Variants in MIGA1 observed in about 807,000 individuals in gnomAD.
The protein encoded by MIGA1 is family with sequence similarity 73, member A.
In MIGA1, 58 loss-of-function variants were observed where a neutral mutation model predicts 82.0. The ratio of observed to expected loss-of-function variants is 0.71; its 90% CI spans 0.57 to 0.88. The LOEUF (loss-of-function observed/expected upper bound fraction) is 0.88. Ranked by LOEUF, MIGA1 falls within the 40% of genes least tolerant of loss-of-function variation. The pLI, the probability that MIGA1 is intolerant of heterozygous loss-of-function variation, is 0.00. For synonymous variants in MIGA1, 249 were observed against 253.6 expected (o/e 0.98, Z 0.17); for missense variants, 751 against 749.1 (o/e 1.00, Z -0.03).
intron 5 of MIGA1, chr1:77,811,576 C>T: frequency 6.2e-7 from 1 of 1,611,616 alleles, no homozygotes. Flanking sequence ...CAATTCCAAG[C>T]ATGTTGCAAT....
chr1:77,813,797 A>G lies in MIGA1; in HGVS notation c.701A>G (p.Gln234Arg). The G allele has an allele frequency of 6.2e-7, 1 of 1,614,248 alleles. No homozygotes were observed. The highest frequency in any genetic ancestry group is 8.5e-7 in the Non-Finnish European group (1 of 1,180,026). Residue 234 changes from glutamine (Q) to arginine (R), a missense_variant, in exon 6 of 16, where the codon CAG becomes CGG. By Grantham distance (43) the Gln-to-Arg change is conservative. Around this residue, in one of 3 missense-constraint regions of MIGA1, gnomAD observed 482 missense variants for 439.4 expected, o/e 1.10. Transcript: ENST00000370791. ...CAAGCTCTGACCTTTCGCAATAGAC[A>G]GGCTGAAGATGAAGCCTGTGGTTCC...
intron 4 of MIGA1, among the ~76,000 whole-genome samples, chr1:77,806,707 TATAAAC>T (rs1489524938): frequency 1.3e-5 from 2 of 152,230 alleles, no homozygotes; most frequent in Non-Finnish European, 2.9e-5. Context: ...GAATAAATGA[TATAAAC>T]ATAACTGCCT....
In MIGA1 at chr1:77,855,712, A is replaced by G. The variant is rs533504362; in HGVS notation, c.997-3226A>G. On this transcript the variant is annotated intron_variant, in intron 8 of 15. Transcript: ENST00000370791. ...GTCTCTGCTTGGTCGCTGTTGGTGTATAGAAGAGCTACTGATTTGTGTACA... is the reference window on the plus strand; with the variant it reads ...GTCTCTGCTTGGTCGCTGTTGGTGTGTAGAAGAGCTACTGATTTGTGTACA... Among the ~76,000 whole-genome samples, 167 of 151,728 alleles carry G rather than the reference A, an allele frequency of 1.1e-3. 1 individual carries two copies. The highest frequency in any genetic ancestry group is 3.9e-3 in the African/African-American group (163 of 41,352).
At chr1:77,811,014 C>G in intron 5 of MIGA1, 1 of 1,612,914 alleles carries the variant, frequency 6.2e-7, no homozygotes, top group South Asian at 1.1e-5. Flanking sequence ...AAGCAAAACA[C>G]TTGGTGCTGG....
intron 12 of MIGA1, chr1:77,862,222 G>GGATCACCTGAGGTCA (rs1553227028): frequency 7.8e-6 from 1 of 128,938 alleles, no homozygotes; most frequent in African/African-American, 3.0e-5. Context: ...TGAGGCGGGC[G>GGATCACCTGAGGTCA]GATCACCTGA....
chr1:77,843,823 G>A (rs969705403), intron 8 of MIGA1, among the ~76,000 whole-genome samples: 1 of 152,012 alleles, frequency 6.6e-6, no homozygotes, highest in African/African-American at 2.4e-5. Context: ...TGTTGGCCAG[G>A]TGCAGTGGCT....
intron 8 of MIGA1, chr1:77,847,519 G>A (rs1423452937): frequency 4.8e-6 from 7 of 1,443,550 alleles, no homozygotes; most frequent in Non-Finnish European, 6.8e-6. Flanking sequence ...GAAATACAGA[G>A]AGAAAGAGAA....
intron 7 of MIGA1, among the ~76,000 whole-genome samples, chr1:77,836,037 A>G (rs79716788): frequency 0.012 from 1,844 of 152,330 alleles, 39 homozygotes; most frequent in African/African-American, 0.043. Flanking sequence ...AAAATGAACC[A>G]GAGTAAGTAT....
Position 77,875,092 on chromosome 1 carries a change from G to C in MIGA1, c.*28G>C. 6.6e-7 allele frequency: 1 copy of C among 1,525,964 alleles called. No homozygotes were observed. The highest frequency in any genetic ancestry group is 9.1e-7 in the Non-Finnish European group (1 of 1,103,604). The allele number at this position is 1,525,964 out of a possible 1,614,324, so 94.5% of individuals were successfully genotyped here. On this transcript the variant is annotated 3_prime_UTR_variant, in exon 16 of 16. Transcript: ENST00000370791. The stretch of plus-strand genomic sequence containing the variant: ...ACCATAAGAATCATACAATTTGAGT[G>C]TGCTATGAAATATTTTAAGGTAACT...
intron 2 of MIGA1, among the ~76,000 whole-genome samples, chr1:77,794,189 C>G (rs1316221172): frequency 6.6e-6 from 1 of 152,164 alleles, no homozygotes; most frequent in African/African-American, 2.4e-5. Flanking sequence ...ATATTAATGT[C>G]TGTTATAACT....
At chr1:77,781,111 A>G (rs1681895474) in intron 1 of MIGA1, among the ~76,000 whole-genome samples, 1 of 151,722 alleles carries the variant, frequency 6.6e-6, no homozygotes, top group Non-Finnish European at 1.5e-5. Context: ...GTTTCGCTAT[A>G]TTGGCCAGGC....
At position 77,877,865 on chromosome 1, in the gene MIGA1, T is replaced by C. The variant is rs1322751548; in HGVS notation, c.*2801T>C. On this transcript the variant is annotated 3_prime_UTR_variant, in exon 16 of 16. Transcript: ENST00000370791. ...ATTTCATCTTAGAAAAAGTTGCTTA[T>C]ATTCAGCAGGTTGGTTTGTCAAATT... 2 of 152,632 alleles carry C rather than the reference T, an allele frequency of 1.3e-5. No individual in the cohort carries two copies. The highest frequency in any genetic ancestry group is 4.8e-5 in the African/African-American group (2 of 41,438). The allele number at this position is 152,632 out of a possible 1,614,324, so 9.5% of individuals were successfully genotyped here. A position where few individuals can be genotyped will look rare whatever the true frequency, so the allele number is the denominator to read the frequency against.
chr1:77,852,032 G>C (rs10782656), intron 8 of MIGA1, among the ~76,000 whole-genome samples: 103,332 of 151,790 alleles, frequency 0.68, 37,117 homozygotes, highest in Non-Finnish European at 0.81. Context: ...TTACAGGCAT[G>C]TGCCACCATA....
intron 5 of MIGA1, among the ~76,000 whole-genome samples, chr1:77,809,197 A>AG (rs1289246639): frequency 6.6e-6 from 1 of 152,130 alleles, no homozygotes; most frequent in Non-Finnish European, 1.5e-5. Flanking sequence ...GAGACGCCAC[A>AG]GGGGGGTCTT....
chr1:77,806,619 A>G (rs558267296), intron 4 of MIGA1, among the ~76,000 whole-genome samples: 1 of 152,352 alleles, frequency 6.6e-6, no homozygotes, highest in South Asian at 2.1e-4. Context: ...AGCATTGTAA[A>G]ACATTCTAAA....
In MIGA1 at chr1:77,803,278, T is replaced by A. The variant is rs1682959075; in HGVS notation, c.382T>A (p.Cys128Ser). Residue 128 changes from cysteine to serine, a missense_variant, in exon 4 of 16, where the codon TGT becomes AGT. Cys to Ser is a moderately radical substitution (Grantham distance 112). Around this residue, in one of 3 missense-constraint regions of MIGA1, gnomAD observed 482 missense variants for 439.4 expected, o/e 1.10. Coordinates refer to ENST00000370791, the MANE Select transcript of MIGA1 (RefSeq NM_198549.4). ...GTATGTTTATTTGATAGGTTCAAGTTGTTCCAGTAGCAGACAGAATTTGAC... is the reference window on the plus strand; with the variant it reads ...GTATGTTTATTTGATAGGTTCAAGTAGTTCCAGTAGCAGACAGAATTTGAC... The A allele has an allele frequency of 6.6e-7, 1 of 1,521,044 alleles. No homozygotes were observed. The allele number at this position is 1,521,044 out of a possible 1,614,324, so 94.2% of individuals were successfully genotyped here.
At chr1:77,848,476 G>C (rs1456384335) in intron 8 of MIGA1, 5 of 1,010,802 alleles carry the variant, frequency 4.9e-6, no homozygotes, top group Non-Finnish European at 7.5e-6. Flanking sequence ...TCTTCAGAAA[G>C]AAATCTTCAG....
chr1:77,832,361 G>C (rs1340144005), intron 7 of MIGA1, among the ~76,000 whole-genome samples: 7 of 152,206 alleles, frequency 4.6e-5, no homozygotes, highest in Non-Finnish European at 8.8e-5. Context: ...TAAGACACTG[G>C]AGAAATAAAG....
chr1:77,859,592 C>A, intron 10 of MIGA1: 1 of 508,792 alleles, frequency 2.0e-6, no homozygotes. Flanking sequence ...CATGGCTTCC[C>A]AGGCCCACGA....
Sources: gnomAD v4.1 joint callset for allele counts (sites outside exome capture counted in the v4.1 genomes callset) on GRCh38, gnomAD v4.1.1 for gene constraint, gnomAD v4.1.1 regional missense constraint, MANE v1.5 for transcripts, NCBI Gene and HGNC (gene_info 2026-07-23, HGNC 2026-07-21) for gene names.